The following MOB3B variants were observed in gnomAD, a reference collection of about 807,000 sequenced individuals.
The protein encoded by MOB3B is MOB kinase activator-like 2B.
Under a neutral mutation model 18.7 loss-of-function variants are expected in MOB3B, and 7 were observed. The ratio of observed to expected loss-of-function variants is 0.37; its 90% CI spans 0.21 to 0.70. The LOEUF (loss-of-function observed/expected upper bound fraction) is 0.70, where lower values mean the gene tolerates loss of function less well. Among genes scored for constraint, MOB3B ranks in the 30% least tolerant of loss-of-function variants. The pLI is 0.52. For synonymous variants in MOB3B, 111 were observed against 99.9 expected, an observed-to-expected ratio of 1.11 and a Z score of -0.66; for missense variants, 253 against 281.3, an observed-to-expected ratio of 0.90 and a Z score of 0.72.
At chr9:27,411,276 T>A (rs1364597802) in intron 2 of MOB3B, among the ~76,000 whole-genome samples, 2 of 152,202 alleles carry the variant, frequency 1.3e-5, no homozygotes, top group Non-Finnish European at 2.9e-5. Context: ...GGAAGGGTAC[T>A]ATTGCAGAGG....
intron 3 of MOB3B, among the ~76,000 whole-genome samples, chr9:27,334,260 A>G (rs963659523): frequency 6.6e-6 from 1 of 152,204 alleles, no homozygotes; most frequent in Admixed American, 6.5e-5. Flanking sequence ...GGTGAATACA[A>G]TTGTGTATGT....
intron 3 of MOB3B, among the ~76,000 whole-genome samples, chr9:27,338,012 C>G (rs559528078): frequency 5.9e-5 from 9 of 152,178 alleles, no homozygotes; most frequent in Non-Finnish European, 8.8e-5. Context: ...AAGCACCACT[C>G]TCTAATGCCT....
chr9:27,509,727 T>C (rs369627435), intron 1 of MOB3B, among the ~76,000 whole-genome samples: 1 of 151,760 alleles, frequency 6.6e-6, no homozygotes, highest in East Asian at 1.9e-4. Flanking sequence ...TGTTTTTTGT[T>C]TTTTTGGAGG....
Position 27,411,760 on chromosome 9 carries a change from T to C in MOB3B, c.418+43373A>G, listed in dbSNP as rs192179537. ...GAATGATACCGTTTTGGGGGATATA[T>C]GACAATATACATTTGCCAAAACCCA... is the stretch of plus-strand genomic sequence containing the variant. On this transcript the variant is annotated intron_variant, in intron 2 of 3. Transcript: ENST00000262244. 9.8e-4 allele frequency among the ~76,000 whole-genome samples: 149 copies of C among 152,308 alleles called. 1 individual carries two copies. The highest frequency in any genetic ancestry group is 3.1e-3 in the African/African-American group (127 of 41,562).
intron 2 of MOB3B, among the ~76,000 whole-genome samples, chr9:27,411,196 C>G (rs73646504): frequency 6.6e-6 from 1 of 152,186 alleles, no homozygotes; most frequent in African/African-American, 2.4e-5. Context: ...GTAGCTGTAC[C>G]TCTTCTAGGG....
intron 3 of MOB3B, among the ~76,000 whole-genome samples, chr9:27,331,282 C>T (rs1404246958): frequency 6.6e-6 from 1 of 152,218 alleles, no homozygotes. Context: ...TGGTCCGCTG[C>T]TACCACATCC....
intron 2 of MOB3B, among the ~76,000 whole-genome samples, chr9:27,433,380 T>C (rs1443386935): frequency 6.6e-6 from 1 of 152,188 alleles, no homozygotes; most frequent in Non-Finnish European, 1.5e-5. Flanking sequence ...GTAAGATGAT[T>C]TTAAACTGAG....
At chr9:27,363,635 G>A (rs1350821201) in intron 2 of MOB3B, among the ~76,000 whole-genome samples, 4 of 152,018 alleles carry the variant, frequency 2.6e-5, no homozygotes. Flanking sequence ...CAGGCCACAA[G>A]GGTAAAAGGA....
At chr9:27,460,106 T>C (rs1563874250) in intron 1 of MOB3B, among the ~76,000 whole-genome samples, 1 of 152,200 alleles carries the variant, frequency 6.6e-6, no homozygotes, top group Non-Finnish European at 1.5e-5. Flanking sequence ...CTATGAAGAA[T>C]TCACAATTTG....
intron 1 of MOB3B, among the ~76,000 whole-genome samples, chr9:27,493,734 C>G (rs549054172): frequency 6.6e-6 from 1 of 152,286 alleles, no homozygotes; most frequent in South Asian, 2.1e-4. Flanking sequence ...TTAATCCTGT[C>G]AGCCGAGGAG....
chr9:27,444,727 G>A (rs191968463), intron 2 of MOB3B, among the ~76,000 whole-genome samples: 26 of 152,280 alleles, frequency 1.7e-4, no homozygotes. Context: ...CTAGGAGGGT[G>A]ACTTTGAAAG....
chr9:27,366,211 G>A (rs1821340950), intron 2 of MOB3B, among the ~76,000 whole-genome samples: 1 of 152,152 alleles, frequency 6.6e-6, no homozygotes, highest in Admixed American at 6.5e-5. Flanking sequence ...TTATGAATGT[G>A]TCTAACCACA....
chr9:27,529,511 C>T lies in MOB3B; in HGVS notation c.-199+44G>A, dbSNP rs980234591. The T allele has an allele frequency of 8.2e-6, 8 of 976,566 alleles. No homozygotes were observed. In the African/African-American group the frequency reaches 1.4e-4, roughly 17 times the overall value. 60.5% of individuals were successfully genotyped at this position (976,566 alleles called of 1,614,324 possible). A position where few individuals can be genotyped will look rare whatever the true frequency, so the allele number is the denominator to read the frequency against. ...GGCGAGATCGGGAGCGAGCAGCCAC[C>T]GGGCTGCGCCGCCTCCCCTAGCTTG... On this transcript the variant is annotated intron_variant, in intron 1 of 3. Transcript: ENST00000262244.
At chr9:27,500,983 C>A (rs1819981747) in intron 1 of MOB3B, among the ~76,000 whole-genome samples, 1 of 151,910 alleles carries the variant, frequency 6.6e-6, no homozygotes, top group Admixed American at 6.6e-5. Context: ...ATGCGACCAA[C>A]AAACATATGA....
At chr9:27,466,614 G>C (rs1819386661) in intron 1 of MOB3B, among the ~76,000 whole-genome samples, 1 of 152,142 alleles carries the variant, frequency 6.6e-6, no homozygotes, top group African/African-American at 2.4e-5. Flanking sequence ...GGGTTTAATT[G>C]GACTTAGAGT....
intron 2 of MOB3B, among the ~76,000 whole-genome samples, chr9:27,425,942 T>C (rs960784448): frequency 6.6e-6 from 1 of 152,214 alleles, no homozygotes; most frequent in African/African-American, 2.4e-5. Context: ...CAAACTGACT[T>C]ATCCATTAGA....
chr9:27,523,245 T>C (rs1237910402), intron 1 of MOB3B, among the ~76,000 whole-genome samples: 2 of 151,868 alleles, frequency 1.3e-5, no homozygotes, highest in Non-Finnish European at 2.9e-5. Flanking sequence ...TCAAACAAAG[T>C]AAAAACCATA....
chr9:27,333,380 A>G (rs1820816820), intron 3 of MOB3B, among the ~76,000 whole-genome samples: 1 of 152,142 alleles, frequency 6.6e-6, no homozygotes, highest in Admixed American at 6.6e-5. Flanking sequence ...GTTTAAATAA[A>G]CAAATGGCAA....
At chr9:27,395,057 A>G (rs1423347360) in intron 2 of MOB3B, among the ~76,000 whole-genome samples, 1 of 152,226 alleles carries the variant, frequency 6.6e-6, no homozygotes, top group Non-Finnish European at 1.5e-5. Flanking sequence ...CTTAGGATAA[A>G]AAATTTAGAC....
Sources: allele counts gnomAD v4.1 joint callset (sites outside exome capture counted in the v4.1 genomes callset), GRCh38; gene constraint gnomAD v4.1.1; transcripts MANE v1.5; gene names NCBI Gene and HGNC (gene_info 2026-07-23, HGNC 2026-07-21).